Variants in HMGN5 observed in about 807,000 individuals in gnomAD.
HMGN5 encodes the protein high mobility group nucleosome binding domain 5.
HMGN5 carries 4 observed loss-of-function variants against 9.5 expected under a neutral mutation model. That is an observed-to-expected ratio of 0.42 (90% CI 0.21 to 0.96). HMGN5 has a LOEUF of 0.96. Among genes scored for constraint, HMGN5 ranks in the 40% least tolerant of loss-of-function variants. The probability of loss-of-function intolerance (pLI) is 0.30; values close to 1 mark genes in which losing one functional copy is unlikely to be tolerated. For synonymous variants in HMGN5, 55 were observed against 57.1 expected, an observed-to-expected ratio of 0.96 and a Z score of 0.16; for missense variants, 192 against 187.5, an observed-to-expected ratio of 1.02 and a Z score of -0.14.
chrX:81,162,865 A>G (rs970552799), intron 1 of HMGN5, among the ~76,000 whole-genome samples: 7 of 111,190 alleles, frequency 6.3e-5, no homozygotes, highest in African/African-American at 2.3e-4. Flanking sequence ...TAGTTATTGT[A>G]CCTAGTGGGC....
At chrX:81,123,225 T>A (rs908686338) in intron 1 of HMGN5, among the ~76,000 whole-genome samples, 4 of 110,015 alleles carry the variant, frequency 3.6e-5, no homozygotes, top group Non-Finnish European at 7.6e-5. Context: ...ATTTATATCA[T>A]TATTATTATT....
intron 1 of HMGN5, among the ~76,000 whole-genome samples, chrX:81,168,646 C>T (rs1048989937): frequency 4.5e-5 from 5 of 111,797 alleles, no homozygotes; most frequent in African/African-American, 1.3e-4. Context: ...CTTTGCGTCT[C>T]CCCTTTCAGT....
chrX:81,140,546 C>A (rs1400713237), intron 1 of HMGN5, among the ~76,000 whole-genome samples: 2 of 79,676 alleles, frequency 2.5e-5, no homozygotes, highest in African/African-American at 4.9e-5. Flanking sequence ...GGCGACAGAG[C>A]GAGACTCTGT....
At chrX:81,118,102 A>C (rs2075259347) in intron 5 of HMGN5, among the ~76,000 whole-genome samples, 1 of 110,576 alleles carries the variant, frequency 9.0e-6, no homozygotes, top group Non-Finnish European at 1.9e-5. Flanking sequence ...ACAAAGCACA[A>C]CTTTGGGGTT....
At chrX:81,125,492 CTG>C (rs1367816554) in intron 1 of HMGN5, among the ~76,000 whole-genome samples, 2 of 111,228 alleles carry the variant, frequency 1.8e-5, no homozygotes, top group Non-Finnish European at 3.8e-5. Flanking sequence ...TCTGGAAAAA[CTG>C]TAATTCTGGT....
At chrX:81,157,021 A>G (rs1010246141) in intron 1 of HMGN5, among the ~76,000 whole-genome samples, 2 of 111,878 alleles carry the variant, frequency 1.8e-5, no homozygotes, top group Admixed American at 1.9e-4. Flanking sequence ...ACCCTAGTAG[A>G]TTCTTATAGA....
At chrX:81,172,271 T>C (rs1256242345) in intron 1 of HMGN5, among the ~76,000 whole-genome samples, 2 of 110,763 alleles carry the variant, frequency 1.8e-5, no homozygotes, top group South Asian at 7.4e-4. Context: ...GAGAAAAAAG[T>C]TGGAAGAAGA....
intron 6 of HMGN5, 135 bp from the exon 7 acceptor site, chrX:81,115,365 A>ATTTAGCAGGCTTCTTTCAC: frequency 1.4e-6 from 1 of 716,845 alleles, no homozygotes; most frequent in Non-Finnish European, 1.8e-6. Flanking sequence ...TTTCCTGTGA[A>ATTTAGCAGGCTTCTTTCAC]AGAAGCCTGC....
intron 1 of HMGN5, among the ~76,000 whole-genome samples, chrX:81,191,833 G>T (rs1015901496): frequency 5.4e-5 from 6 of 111,849 alleles, no homozygotes; most frequent in Admixed American, 3.8e-4. Context: ...TTTCAGACTG[G>T]GTTGGTGTGG....
intron 1 of HMGN5, among the ~76,000 whole-genome samples, chrX:81,141,568 G>A (rs1463418005): frequency 9.0e-6 from 1 of 111,446 alleles, no homozygotes; most frequent in Non-Finnish European, 1.9e-5. Flanking sequence ...TGGTAGCACA[G>A]AATATTCTCC....
intron 1 of HMGN5, among the ~76,000 whole-genome samples, chrX:81,200,857 T>A (rs5959840): frequency 0.018 from 2,015 of 109,456 alleles, 45 homozygotes; most frequent in African/African-American, 0.063. Context: ...AAAGTATAAT[T>A]AAAAAAAAAT....
intron 1 of HMGN5, among the ~76,000 whole-genome samples, chrX:81,135,775 G>A (rs1359322859): frequency 9.0e-6 from 1 of 110,567 alleles, no homozygotes; most frequent in African/African-American, 3.3e-5. Context: ...AGTGTGCTAT[G>A]TTTTGGATGT....
chrX:81,127,648 C>T (rs757414647), intron 1 of HMGN5, among the ~76,000 whole-genome samples: 17 of 110,889 alleles, frequency 1.5e-4, no homozygotes, highest in Non-Finnish European at 2.1e-4. Flanking sequence ...ATATAACCTA[C>T]GAATTGTTTC....
rs781339302 is a variant in HMGN5 at position 81,114,788 on chromosome X, T to C, written c.710A>G (p.Asp237Gly). The change falls in exon 7 of 7, where the codon GAT (aspartate) becomes GGT (glycine). Residue 237 changes from aspartate (D) to glycine (G), a missense_variant. Coordinates refer to ENST00000358130, the MANE Select transcript of HMGN5 (RefSeq NM_030763.3). The stretch of plus-strand genomic sequence containing the variant: ...ATTTCCACCTTCATCTTCTTTTCCA[T>C]CTTCTCTCTCTTTTTCATCTTCTTT... Reference protein sequence around the residue: ...KVKEDEKEREDGKEDEGGNEE... With the variant: ...KVKEDEKEREGGKEDEGGNEE... The C allele has an allele frequency of 3.4e-5, 39 of 1,160,020 alleles. No homozygotes were observed. The highest frequency in any genetic ancestry group is 2.6e-4 in the Middle Eastern group (1 of 3,897).
intron 1 of HMGN5, among the ~76,000 whole-genome samples, chrX:81,126,053 CAGG>C (rs1167895663): frequency 2.9e-5 from 3 of 103,172 alleles, no homozygotes; most frequent in Admixed American, 2.2e-4. Flanking sequence ...GAGGCTGCGG[CAGG>C]AGAATCGCTT....
At chrX:81,122,513 AC>A (rs768828149) in intron 1 of HMGN5, among the ~76,000 whole-genome samples, 8 of 112,141 alleles carry the variant, frequency 7.1e-5, no homozygotes, top group African/African-American at 2.3e-4. Flanking sequence ...TAAGCTTGTG[AC>A]AAAAACCCAG....
At chrX:81,119,670 C>T (rs1365097095) in intron 3 of HMGN5, 118 bp downstream of exon 3, 1 of 556,905 alleles carries the variant, frequency 1.8e-6, no homozygotes, top group African/African-American at 2.3e-5. Flanking sequence ...CACTGGTATA[C>T]CATATTGGAA....
At chrX:81,169,479 A>C (rs1245625021) in intron 1 of HMGN5, among the ~76,000 whole-genome samples, 1 of 111,821 alleles carries the variant, frequency 8.9e-6, no homozygotes, top group African/African-American at 3.3e-5. Flanking sequence ...TGCTTGAAAA[A>C]ACAATGCCAA....
intron 2 of HMGN5, among the ~76,000 whole-genome samples, chrX:81,120,492 C>T (rs2075265692): frequency 9.0e-6 from 1 of 111,056 alleles, no homozygotes; most frequent in African/African-American, 3.3e-5. Context: ...AGTTGTTTTC[C>T]ATATCTGAGC....
Sources: allele counts gnomAD v4.1 joint callset (sites outside exome capture counted in the v4.1 genomes callset), GRCh38; gene constraint gnomAD v4.1.1; transcripts MANE v1.5; gene names NCBI Gene and HGNC (gene_info 2026-07-23, HGNC 2026-07-21).